Variants in SCAF1 observed in about 807,000 individuals in gnomAD.
SCAF1 encodes the protein SR-related CTD associated factor 1, also known as splicing factor, arginine/serine-rich 19.
In SCAF1, 28 loss-of-function variants were observed where a neutral mutation model predicts 91.2. The ratio of observed to expected loss-of-function variants is 0.31; its 90% CI spans 0.23 to 0.42. SCAF1 has a LOEUF of 0.42. Among genes scored for constraint, SCAF1 ranks in the 10% least tolerant of loss-of-function variants. The pLI, the probability that SCAF1 is intolerant of heterozygous loss-of-function variation, is 1.00. For synonymous variants in SCAF1, 1,036 were observed against 833.7 expected, an observed-to-expected ratio of 1.24 and a Z score of -4.18; for missense variants, 1,893 against 1,872.1, an observed-to-expected ratio of 1.01 and a Z score of -0.21.
intron 9 of SCAF1, 115 bp downstream of exon 9, chr19:49,654,985 C>T (rs960293524): frequency 4.1e-5 from 33 of 808,514 alleles, no homozygotes; most frequent in African/African-American, 3.6e-4. Context: ...GAGACAGGGC[C>T]GTAGAGACCA....
In SCAF1 at chr19:49,649,639, G is replaced by T. The variant is rs144286474; in HGVS notation, c.479-1229G>T. 1.4e-4 allele frequency among the ~76,000 whole-genome samples: 22 copies of T among 152,286 alleles called. No individual in the cohort carries two copies. The East Asian group carries it at 4.2e-3, about 29-fold the overall frequency. ...GCCTCCCGAGTAGTTGGGATTACAG[G>T]CATGTGCCACCACACCCGGCTAATT... is the stretch of plus-strand genomic sequence containing the variant. On this transcript the variant is annotated intron_variant, in intron 6 of 10. Transcript: ENST00000360565.
intron 9 of SCAF1, among the ~76,000 whole-genome samples, chr19:49,656,023 C>T (rs950144187): frequency 2.0e-5 from 3 of 152,236 alleles, no homozygotes; most frequent in African/African-American, 7.2e-5. Flanking sequence ...TGACGTTGGC[C>T]ACCCTTACAC....
chr19:49,653,787 G>T, intron 7 of SCAF1, 82 bp downstream of exon 7: 1 of 1,331,174 alleles, frequency 7.5e-7, no homozygotes, highest in Non-Finnish European at 9.9e-7. Context: ...GAGGCAGTGG[G>T]GTGCCCTGGC....
intron 1 of SCAF1, among the ~76,000 whole-genome samples, chr19:49,643,185 G>T (rs1051576404): frequency 2.6e-5 from 4 of 152,200 alleles, no homozygotes; most frequent in African/African-American, 9.7e-5. Flanking sequence ...GAGAGAGTTA[G>T]AATTAATCTA....
intron 7 of SCAF1, 127 bp downstream of exon 7, chr19:49,653,832 TG>T: frequency 2.2e-6 from 2 of 921,938 alleles, no homozygotes; most frequent in Non-Finnish European, 3.0e-6. Context: ...ACTGGGAGGG[TG>T]GGGGTGAGTA....
In SCAF1 at chr19:49,653,065, G is replaced by T. The variant is rs762525579; in HGVS notation, c.2676G>T (p.Pro892=). 1.9e-6 allele frequency: 3 copies of T among 1,613,726 alleles called. No homozygotes were observed. In the South Asian group the frequency reaches 3.3e-5, roughly 18 times the overall value. Residue 892 remains proline (P), a synonymous_variant, in exon 7 of 11, where the codon CCG becomes CCT. Transcript: ENST00000360565. ...RAPTEMAKAA[P]GSTKPKKTKV... ...CCACTGAGATGGCCAAAGCAGCTCC[G>T]GGCAGCACCAAGCCCAAAAAGACCA...
In SCAF1 at chr19:49,657,753, C is replaced by A; in HGVS notation, c.3619-8C>A. Reference sequence around the variant, plus strand: ...CTGTGTCTTCCCCCGCTGTCGCCACCCCACCAGTATCTGAAGAAGCTGCAC... The same window carrying A: ...CTGTGTCTTCCCCCGCTGTCGCCACACCACCAGTATCTGAAGAAGCTGCAC... On this transcript the variant is annotated splice_region_variant and splice_polypyrimidine_tract_variant and intron_variant, in intron 9 of 10. Transcript: ENST00000360565. The A allele has an allele frequency of 6.3e-7, 1 of 1,596,552 alleles. No homozygotes were observed. Among genetic ancestry groups the A allele is most frequent in the Non-Finnish European group, 8.5e-7 (1 of 1,171,078 alleles).
chr19:49,651,496 G>A lies in SCAF1; in HGVS notation c.1107G>A (p.Val369=). 2.5e-6 allele frequency: 4 copies of A among 1,578,174 alleles called. No individual in the cohort carries two copies. In the South Asian group the frequency reaches 4.6e-5, roughly 18 times the overall value. ...AEACREGKVS[V]EVVTAGGAAL... ...CTTGTCGGGAAGGCAAGGTCTCGGT[G>A]GAGGTGGTGACCGCTGGTGGAGCCG... The change falls in exon 7 of 11, where the codon GTG becomes GTA. Residue 369 remains valine (V), a synonymous_variant. Transcript: ENST00000360565.
intron 6 of SCAF1, among the ~76,000 whole-genome samples, chr19:49,648,529 G>A (rs2081067800): frequency 6.7e-6 from 1 of 148,972 alleles, no homozygotes; most frequent in Non-Finnish European, 1.5e-5. Context: ...AAACTGCTGA[G>A]ATCACAGGCA....
chr19:49,657,949 A>T (rs1375833466), intron 10 of SCAF1, 60 bp downstream of exon 10: 2 of 1,580,810 alleles, frequency 1.3e-6, no homozygotes, highest in African/African-American at 2.7e-5. Flanking sequence ...GGAGGGACAG[A>T]TGTGTGCAGA....
chr19:49,652,886 C>G lies in SCAF1; in HGVS notation c.2497C>G (p.Leu833Val). ...SSSCSSRKVK[L>V]QSKVAVLIRE... ...CTCCTGTTCTTCCCGGAAGGTGAAGCTGCAGTCCAAGGTGGCGGTGCTGAT... is the reference window on the plus strand; with the variant it reads ...CTCCTGTTCTTCCCGGAAGGTGAAGGTGCAGTCCAAGGTGGCGGTGCTGAT... Residue 833 changes from leucine (L) to valine (V), a missense_variant, in exon 7 of 11, where the codon CTG (leucine) becomes GTG (valine). By Grantham distance (32) the Leu-to-Val change is conservative. This residue lies in a region of SCAF1 where 1,436 missense variants were observed against 1,306.8 expected (regional missense o/e 1.10). Coordinates refer to ENST00000360565, the MANE Select transcript of SCAF1 (RefSeq NM_021228.3). 1 of 1,614,036 alleles carries G rather than the reference C, an allele frequency of 6.2e-7. No individual in the cohort carries two copies. The highest frequency in any genetic ancestry group is 8.5e-7 in the Non-Finnish European group (1 of 1,179,996).
chr19:49,650,923 C>T lies in SCAF1; in HGVS notation c.534C>T (p.Gly178=). The change falls in exon 7 of 11, where the codon GGC becomes GGT. Residue 178 remains glycine, a synonymous_variant. Transcript: ENST00000360565. The part of the protein sequence containing the change: ...RPTCARHLTL[G]TGDGGPAPPP... The stretch of plus-strand genomic sequence containing the variant: ...CCTGTGCCCGTCACCTCACCTTGGG[C>T]ACGGGAGACGGGGGCCCTGCCCCAC... 8.1e-6 allele frequency: 13 copies of T among 1,608,128 alleles called. No individual in the cohort carries two copies. Among genetic ancestry groups the T allele is most frequent in the Non-Finnish European group, 1.1e-5 (13 of 1,177,128 alleles).
In SCAF1 at chr19:49,642,286, T is replaced by C. The variant is rs2081030927; in HGVS notation, c.-7+44T>C. The C allele has an allele frequency of 1.3e-5, 2 of 151,710 alleles. No homozygotes were observed. The highest frequency in any genetic ancestry group is 3.9e-4 in the East Asian group (2 of 5,102). 9.4% of individuals were successfully genotyped at this position (151,710 alleles called of 1,614,324 possible). On this transcript the variant is annotated intron_variant, in intron 1 of 10. Transcript: ENST00000360565. This position sits in a 1 kb window ranked among gnomAD's most constrained non-coding sequence, Gnocchi z 4.0. ...TCCGGGCCGCGGGGCTCGGGCCTAT[T>C]GGGGTGGGCGGGGCGGAGTTGGGTC...
rs2081091988 is a variant in SCAF1 at position 49,651,698 on chromosome 19, G to A, written c.1309G>A (p.Ala437Thr). The change falls in exon 7 of 11, where the codon GCT becomes ACT. Residue 437 changes from alanine to threonine, a missense_variant. Transcript: ENST00000360565. ...PTAQPLPQPP[A>T]PRAPEGDDFL... ...GGCCCAGCCCCTTCCTCAGCCTCCCGCTCCGCGGGCCCCCGAGGGGGACGA... is the reference window on the plus strand; with the variant it reads ...GGCCCAGCCCCTTCCTCAGCCTCCCACTCCGCGGGCCCCCGAGGGGGACGA... 2.2e-6 allele frequency: 3 copies of A among 1,391,816 alleles called. No homozygotes were observed. The highest frequency in any genetic ancestry group is 3.1e-5 in the African/African-American group (2 of 64,648). The allele number at this position is 1,391,816 out of a possible 1,614,324, so 86.2% of individuals were successfully genotyped here.
chr19:49,644,947 T>C (rs991730374), intron 1 of SCAF1, 74 bp from the exon 2 acceptor site: 3 of 1,035,058 alleles, frequency 2.9e-6, no homozygotes, highest in Non-Finnish European at 4.4e-6. Flanking sequence ...GCCCTTGAGG[T>C]CTTCATGTCT....
Position 49,645,253 on chromosome 19 carries a change from A to G in SCAF1, c.109-101A>G. Reference sequence around the variant, plus strand: ...ACTCTTGGCTCCCTTGAAGCACTTGAGTCTAGCTGTCAGTGTCTGGGATGT... The same window carrying G: ...ACTCTTGGCTCCCTTGAAGCACTTGGGTCTAGCTGTCAGTGTCTGGGATGT... On this transcript the variant is annotated intron_variant, in intron 2 of 10. Coordinates refer to ENST00000360565, the MANE Select transcript of SCAF1 (RefSeq NM_021228.3). The surrounding 1 kb of genome is among the most constrained non-coding windows in gnomAD (Gnocchi z 4.6). The G allele has an allele frequency of 2.0e-6, 3 of 1,509,242 alleles. No individual in the cohort carries two copies. The highest frequency in any genetic ancestry group is 2.8e-6 in the Non-Finnish European group (3 of 1,087,346). The allele number at this position is 1,509,242 out of a possible 1,614,324, so 93.5% of individuals were successfully genotyped here.
upstream of SCAF1, among the ~76,000 whole-genome samples, chr19:49,641,257 A>C (rs548489664): frequency 1.3e-5 from 2 of 152,320 alleles, no homozygotes; most frequent in South Asian, 4.1e-4. Flanking sequence ...TTCGGAATTC[A>C]GACTTCTCTG....
chr19:49,653,117 A>G lies in SCAF1; in HGVS notation c.2728A>G (p.Lys910Glu), dbSNP rs1016544266. ...GGTCAAGGCCAAGGCAGGGGCCAAG[A>G]AAACCAAGGGGACCAAGGGAAAGAC... ...TKVKAKAGAKKTKGTKGKTKP... is the reference protein window; with the variant it reads ...TKVKAKAGAKETKGTKGKTKP... The change falls in exon 7 of 11, where the codon AAA (lysine) becomes GAA (glutamate). Residue 910 changes from lysine to glutamate, a missense_variant. Transcript: ENST00000360565. 3 of 1,611,918 alleles carry G rather than the reference A, an allele frequency of 1.9e-6. No individual in the cohort carries two copies. Among genetic ancestry groups the G allele is most frequent in the Non-Finnish European group, 2.5e-6 (3 of 1,179,074 alleles).
intron 8 of SCAF1, 53 bp from the exon 9 acceptor site, chr19:49,654,599 C>G (rs1004854060): frequency 1.6e-5 from 23 of 1,437,754 alleles, no homozygotes; most frequent in Non-Finnish European, 2.1e-5. Context: ...GTGCACGTCC[C>G]CTCTTCCCCT....
Sources: gnomAD v4.1 joint callset for allele counts (sites outside exome capture counted in the v4.1 genomes callset) on GRCh38, gnomAD v4.1.1 for gene constraint, gnomAD v4.1.1 regional missense constraint, Gnocchi (gnomAD v3.1) non-coding constraint, MANE v1.5 for transcripts, NCBI Gene and HGNC (gene_info 2026-07-23, HGNC 2026-07-21) for gene names.